The following BANK1 variants were observed in gnomAD, a reference collection of about 807,000 sequenced individuals.
The protein encoded by BANK1 is B cell scaffold protein with ankyrin repeats 1.
A neutral mutation model predicts 94.5 loss-of-function variants in BANK1; 95 were observed. The ratio of observed to expected loss-of-function variants is 1.00; its 90% confidence interval spans 0.85 to 1.19. The LOEUF (loss-of-function observed/expected upper bound fraction) is 1.19. Ranked by LOEUF, BANK1 falls within the 50% of genes most tolerant of loss-of-function variation. The pLI, the probability that BANK1 is intolerant of heterozygous loss-of-function variation, is 0.00. For missense variants in BANK1, 987 were observed against 932.2 expected, an observed-to-expected ratio of 1.06 and a Z score of -0.77; for synonymous variants, 334 against 308.4, an observed-to-expected ratio of 1.08 and a Z score of -0.87.
At chr4:101,880,780 T>A (rs554490204) in intron 5 of BANK1, among the ~76,000 whole-genome samples, 1 of 152,110 alleles carries the variant, frequency 6.6e-6, no homozygotes, top group East Asian at 1.9e-4. Context: ...ACACCTACAG[T>A]GAACTCATTT....
At chr4:102,012,640 T>G (rs540811004) in intron 7 of BANK1, among the ~76,000 whole-genome samples, 4 of 152,232 alleles carry the variant, frequency 2.6e-5, no homozygotes, top group East Asian at 1.9e-4. Flanking sequence ...TCAAGTAGTA[T>G]TATATGTTTG....
At chr4:102,065,441 A>T (rs1325203811) in intron 13 of BANK1, among the ~76,000 whole-genome samples, 1 of 152,196 alleles carries the variant, frequency 6.6e-6, no homozygotes, top group Non-Finnish European at 1.5e-5. Flanking sequence ...TGAGTTGCCT[A>T]CTAAAACGAG....
At chr4:101,914,565 A>T (rs921848062) in intron 6 of BANK1, among the ~76,000 whole-genome samples, 1 of 152,164 alleles carries the variant, frequency 6.6e-6, no homozygotes, top group Non-Finnish European at 1.5e-5. Context: ...GAATAAGTCA[A>T]TGCTGAACCT....
chr4:101,830,114 A>T lies in BANK1; in HGVS notation c.377A>T (p.Glu126Val), dbSNP rs1488382055. 1.1e-5 allele frequency: 18 copies of T among 1,613,148 alleles called. No homozygotes were observed. Among genetic ancestry groups the T allele is most frequent in the Non-Finnish European group, 1.5e-5 (18 of 1,179,682 alleles). Reference protein sequence around the residue: ...CGVKSSDQLYELLNISQSRWE... With the variant: ...CGVKSSDQLYVLLNISQSRWE... ...GTGAAGAGTTCAGATCAGCTCTATG[A>T]ATTACTAAATATCTCTCAAAGCAGA... Residue 126 changes from glutamate to valine, a missense_variant, in exon 2 of 17, where the codon GAA (glutamate) becomes GTA (valine). Glu to Val is a moderately radical substitution (Grantham distance 121). Coordinates refer to ENST00000322953, the MANE Select transcript of BANK1 (RefSeq NM_017935.5).
chr4:102,056,826 C>A (rs1210824677), intron 11 of BANK1, among the ~76,000 whole-genome samples: 2 of 151,888 alleles, frequency 1.3e-5, no homozygotes, highest in Admixed American at 1.3e-4. Context: ...GCCAATATTG[C>A]GAGACCCCAT....
Position 101,918,000 on chromosome 4 carries a change from T to C in BANK1, c.1017T>C (p.His339=). 6.2e-7 allele frequency: 1 copy of C among 1,603,860 alleles called. No individual in the cohort carries two copies. The highest frequency in any genetic ancestry group is 1.1e-5 in the South Asian group (1 of 90,158). ...TEICSQNKYT[H]FKELPTLLHC... ...TACTTCTTATGCTTACAGATACTCA[T>C]TTCAAAGAACTTCCAACTCTTCTCC... Residue 339 remains histidine, a synonymous_variant, in exon 7 of 17, where the codon CAT becomes CAC. Transcript: ENST00000322953.
intron 7 of BANK1, among the ~76,000 whole-genome samples, chr4:101,959,144 G>T (rs953474690): frequency 4.7e-5 from 7 of 148,714 alleles, no homozygotes; most frequent in Non-Finnish European, 7.5e-5. Flanking sequence ...GTTTGTTTTT[G>T]TTTTTTTTTT....
At chr4:102,012,486 A>T (rs1726543567) in intron 7 of BANK1, among the ~76,000 whole-genome samples, 1 of 152,160 alleles carries the variant, frequency 6.6e-6, no homozygotes, top group African/African-American at 2.4e-5. Context: ...AACAATATAA[A>T]CTTTAAGACT....
chr4:101,912,448 A>G (rs1722693724), intron 6 of BANK1, among the ~76,000 whole-genome samples: 1 of 151,896 alleles, frequency 6.6e-6, no homozygotes, highest in Non-Finnish European at 1.5e-5. Context: ...CATCTGCCTC[A>G]CTGTATTGGT....
At chr4:101,881,225 G>GA (rs930591137) in intron 5 of BANK1, among the ~76,000 whole-genome samples, 38 of 149,810 alleles carry the variant, frequency 2.5e-4, no homozygotes, top group Admixed American at 3.3e-4. Context: ...CAACCCTATG[G>GA]AAAAAAAAAT....
rs72931995 is a variant in BANK1, at chr4:102,020,216, G to A, written c.1207-1298G>A. Among the ~76,000 whole-genome samples the A allele has an allele frequency of 6.7e-3, 1,017 of 152,076 alleles. 12 individuals are homozygous for A. The highest frequency in any genetic ancestry group is 0.023 in the African/African-American group (947 of 41,502). ...TGAAGTGGTTTTGGGAGTACTATGG[G>A]TTTTCAAAATATATTTTTGACCTAC... is the stretch of plus-strand genomic sequence containing the variant. On this transcript the variant is annotated intron_variant, in intron 7 of 16. Coordinates refer to ENST00000322953, the MANE Select transcript of BANK1 (RefSeq NM_017935.5).
intron 2 of BANK1, among the ~76,000 whole-genome samples, chr4:101,846,849 T>C (rs1283765282): frequency 1.3e-5 from 2 of 152,184 alleles, no homozygotes; most frequent in Non-Finnish European, 2.9e-5. Context: ...TATCTAGTAG[T>C]GATCAAGGTT....
At chr4:101,857,694 T>G (rs561628822) in intron 3 of BANK1, among the ~76,000 whole-genome samples, 6 of 152,338 alleles carry the variant, frequency 3.9e-5, no homozygotes, top group Non-Finnish European at 7.3e-5. Context: ...AAAAATATTT[T>G]ACTTTATTTC....
intron 1 of BANK1, among the ~76,000 whole-genome samples, chr4:101,807,977 C>T (rs924969938): frequency 6.6e-6 from 1 of 150,902 alleles, no homozygotes; most frequent in South Asian, 2.1e-4. Context: ...CCCAGCTACT[C>T]GGGAGAGTGA....
At chr4:101,964,757 G>C (rs891353353) in intron 7 of BANK1, among the ~76,000 whole-genome samples, 3 of 151,884 alleles carry the variant, frequency 2.0e-5, no homozygotes, top group Non-Finnish European at 2.9e-5. Context: ...TTAAAGAGAA[G>C]TATTCTTTTT....
At chr4:101,881,955 G>T (rs563626197) in intron 5 of BANK1, among the ~76,000 whole-genome samples, 73 of 151,826 alleles carry the variant, frequency 4.8e-4, no homozygotes, top group African/African-American at 1.7e-3. Context: ...GGGAGGTGGG[G>T]ATGGTTAATG....
chr4:101,809,390 T>C (rs1379988694), intron 1 of BANK1, among the ~76,000 whole-genome samples: 1 of 152,088 alleles, frequency 6.6e-6, no homozygotes, highest in Non-Finnish European at 1.5e-5. Flanking sequence ...ACATATTAGG[T>C]ACAGTGTACA....
At chr4:101,795,128 C>CT (rs1467959987) in intron 1 of BANK1, among the ~76,000 whole-genome samples, 1 of 151,902 alleles carries the variant, frequency 6.6e-6, no homozygotes, top group Non-Finnish European at 1.5e-5. Flanking sequence ...ATTCTCATTC[C>CT]TTTTTTGTTA....
intron 1 of BANK1, among the ~76,000 whole-genome samples, chr4:101,810,947 G>T (rs1725714697): frequency 6.6e-6 from 1 of 152,008 alleles, no homozygotes; most frequent in Non-Finnish European, 1.5e-5. Flanking sequence ...ATGATTGCTG[G>T]TCACCAGGTC....
Sources: allele counts gnomAD v4.1 joint callset (sites outside exome capture counted in the v4.1 genomes callset), GRCh38; gene constraint gnomAD v4.1.1; transcripts MANE v1.5; gene names NCBI Gene and HGNC (gene_info 2026-07-23, HGNC 2026-07-21).